Variants in SGCZ observed in about 807,000 individuals in gnomAD.
SGCZ encodes the protein sarcoglycan zeta.
Under a neutral mutation model 41.3 loss-of-function variants are expected in SGCZ, and 40 were observed. The observed-to-expected ratio is 0.97, with a 90% CI of 0.75 to 1.26. The LOEUF (loss-of-function observed/expected upper bound fraction) is 1.26. SGCZ is among the 50% of genes most tolerant of loss of function. The pLI, the probability that SGCZ is intolerant of heterozygous loss-of-function variation, is 0.00. For missense variants in SGCZ, 552 were observed against 369.8 expected, an observed-to-expected ratio of 1.49 and a Z score of -4.04; for synonymous variants, 206 against 137.5, an observed-to-expected ratio of 1.50 and a Z score of -3.49.
intron 2 of SGCZ, among the ~76,000 whole-genome samples, chr8:14,417,886 AAAG>A (rs1799538847): frequency 6.6e-6 from 1 of 151,932 alleles, no homozygotes; most frequent in Non-Finnish European, 1.5e-5. Context: ...TTGGGAGAAA[AAAG>A]AACCAGATTT....
intron 1 of SGCZ, among the ~76,000 whole-genome samples, chr8:15,210,916 C>T (rs567905462): frequency 6.6e-6 from 1 of 152,064 alleles, no homozygotes; most frequent in East Asian, 1.9e-4. Flanking sequence ...TCTTTGCCTC[C>T]TTTATTCCCT....
intron 2 of SGCZ, among the ~76,000 whole-genome samples, chr8:14,448,146 T>C (rs1453039054): frequency 1.3e-5 from 2 of 152,126 alleles, no homozygotes; most frequent in Non-Finnish European, 2.9e-5. Flanking sequence ...TAAGAAGATA[T>C]CCACAAGAAA....
At chr8:14,937,420 G>A (rs1274718028) in intron 1 of SGCZ, among the ~76,000 whole-genome samples, 2 of 151,910 alleles carry the variant, frequency 1.3e-5, no homozygotes, top group Non-Finnish European at 2.9e-5. Context: ...TTGTTTTTAA[G>A]GTCAGCTTTA....
At chr8:14,243,291 C>A (rs192466073) in intron 3 of SGCZ, among the ~76,000 whole-genome samples, 7 of 152,294 alleles carry the variant, frequency 4.6e-5, no homozygotes, top group African/African-American at 1.4e-4. Context: ...GCCAACAAAT[C>A]TACCTTATCC....
chr8:14,549,558 T>C (rs1276968913), intron 2 of SGCZ, among the ~76,000 whole-genome samples: 2 of 152,140 alleles, frequency 1.3e-5, no homozygotes, highest in African/African-American at 2.4e-5. Flanking sequence ...TCACCTACTA[T>C]GTGCTCAACC....
chr8:15,198,607 G>T (rs1366527391), intron 1 of SGCZ, among the ~76,000 whole-genome samples: 1 of 152,140 alleles, frequency 6.6e-6, no homozygotes, highest in African/African-American at 2.4e-5. Context: ...ACAACTCTAA[G>T]ATGTTAACTG....
At chr8:14,858,369 C>T (rs1030105354) in intron 1 of SGCZ, among the ~76,000 whole-genome samples, 5 of 151,884 alleles carry the variant, frequency 3.3e-5, no homozygotes, top group Non-Finnish European at 7.4e-5. Flanking sequence ...TTGTTTGACG[C>T]TTTTTCAAAT....
intron 1 of SGCZ, among the ~76,000 whole-genome samples, chr8:14,768,253 T>A (rs55782183): frequency 0.35 from 53,615 of 152,106 alleles, 11,292 homozygotes; most frequent in East Asian, 0.51. Context: ...AAAGAAAACA[T>A]TGAATTAAGA....
chr8:14,815,760 T>C lies in SGCZ; in HGVS notation c.40-260834A>G, dbSNP rs188137684. Among the ~76,000 whole-genome samples the C allele has an allele frequency of 4.6e-5, 7 of 152,342 alleles. No homozygotes were observed. In the East Asian group the frequency reaches 1.4e-3, roughly 29 times the overall value. ...ACTAAAATATTACAAATGAGGGCAA[T>C]CTATTATACTATCTGATAATATGTG... On this transcript the variant is annotated intron_variant, in intron 1 of 7. Transcript: ENST00000382080.
At chr8:14,579,742 A>G (rs1804823733) in intron 1 of SGCZ, among the ~76,000 whole-genome samples, 1 of 152,198 alleles carries the variant, frequency 6.6e-6, no homozygotes, top group South Asian at 2.1e-4. Context: ...GGGAGTGGCT[A>G]GGGAGTGGCA....
intron 2 of SGCZ, among the ~76,000 whole-genome samples, chr8:14,440,906 C>T (rs537489428): frequency 1.5e-4 from 22 of 151,532 alleles, no homozygotes; most frequent in Non-Finnish European, 2.7e-4. Flanking sequence ...TAGGGGTTTA[C>T]GTAAATTTCA....
At chr8:14,107,790 C>T (rs1802251843) in intron 6 of SGCZ, among the ~76,000 whole-genome samples, 1 of 152,076 alleles carries the variant, frequency 6.6e-6, no homozygotes, top group African/African-American at 2.4e-5. Flanking sequence ...ACATGTGCAC[C>T]ACCATGCTCG....
At chr8:15,187,584 T>C (rs1487693605) in intron 1 of SGCZ, among the ~76,000 whole-genome samples, 2 of 152,026 alleles carry the variant, frequency 1.3e-5, no homozygotes, top group East Asian at 1.9e-4. Flanking sequence ...AGTGAGGAAA[T>C]AGACTCAAAA....
intron 1 of SGCZ, among the ~76,000 whole-genome samples, chr8:14,863,447 C>T (rs1435398791): frequency 6.6e-6 from 1 of 152,060 alleles, no homozygotes; most frequent in Non-Finnish European, 1.5e-5. Flanking sequence ...ACCTCAGCCT[C>T]CCAAGCAGCT....
chr8:14,097,305 C>T (rs1801876293), intron 7 of SGCZ, among the ~76,000 whole-genome samples: 1 of 152,180 alleles, frequency 6.6e-6, no homozygotes, highest in Non-Finnish European at 1.5e-5. Flanking sequence ...TCTTTGTTCT[C>T]ATTGGTTTCA....
intron 2 of SGCZ, among the ~76,000 whole-genome samples, chr8:14,467,665 C>T (rs1384889117): frequency 6.6e-6 from 1 of 152,012 alleles, no homozygotes; most frequent in Non-Finnish European, 1.5e-5. Context: ...GTAACAGATT[C>T]TGACAGTGTA....
At chr8:14,183,220 A>T (rs1459904045) in intron 4 of SGCZ, among the ~76,000 whole-genome samples, 2 of 152,118 alleles carry the variant, frequency 1.3e-5, no homozygotes, top group African/African-American at 4.8e-5. Context: ...TGACTTAATC[A>T]GAAATAGAAA....
At chr8:14,217,212 C>T (rs1000896287) in intron 4 of SGCZ, among the ~76,000 whole-genome samples, 2 of 138,266 alleles carry the variant, frequency 1.4e-5, no homozygotes, top group Admixed American at 8.1e-5. Context: ...AGGAGAATGG[C>T]GTGAACCTGG....
rs1800828114 is a variant in SGCZ at position 14,459,082 on chromosome 8, T to A, written c.234+95650A>T. On this transcript the variant is annotated intron_variant, in intron 2 of 7. Coordinates refer to ENST00000382080, the MANE Select transcript of SGCZ (RefSeq NM_139167.4). ...AACTCATAAATGTCCATTAGTTGGTTATAACTTGCATAAATAATGGAATAG... is the reference window on the plus strand; with the variant it reads ...AACTCATAAATGTCCATTAGTTGGTAATAACTTGCATAAATAATGGAATAG... Among the ~76,000 whole-genome samples the A allele has an allele frequency of 3.9e-5, 6 of 152,170 alleles. No homozygotes were observed. In the South Asian group the frequency reaches 1.2e-3, roughly 32 times the overall value.
Sources: gnomAD v4.1 joint callset for allele counts (sites outside exome capture counted in the v4.1 genomes callset) on GRCh38, gnomAD v4.1.1 for gene constraint, MANE v1.5 for transcripts, NCBI Gene and HGNC (gene_info 2026-07-23, HGNC 2026-07-21) for gene names.